CA1: variants seen among roughly 807,000 people sequenced by gnomAD.
CA1 encodes carbonic anhydrase 1, also known as carbonate dehydratase I.
A neutral mutation model predicts 28.8 loss-of-function variants in CA1; 27 were observed. The observed-to-expected ratio is 0.94, with a 90% CI of 0.69 to 1.29. The LOEUF (loss-of-function observed/expected upper bound fraction) is 1.29, where lower values mean the gene tolerates loss of function less well. CA1 is among the 50% of genes most tolerant of loss of function. The probability of loss-of-function intolerance (pLI) is 0.00; values close to 1 mark genes in which losing one functional copy is unlikely to be tolerated. For missense variants in CA1, 335 were observed against 310.5 expected, an observed-to-expected ratio of 1.08 and a Z score of -0.59; for synonymous variants, 121 against 108.8, an observed-to-expected ratio of 1.11 and a Z score of -0.70.
intron 1 of CA1, among the ~76,000 whole-genome samples, chr8:85,356,226 C>T (rs976686388): frequency 1.3e-5 from 2 of 152,130 alleles, no homozygotes; most frequent in Admixed American, 6.5e-5. Context: ...CTCACTCTAA[C>T]CTTCTATTTG....
chr8:85,372,009 T>G (rs1290132881), intron 1 of CA1, among the ~76,000 whole-genome samples: 1 of 152,130 alleles, frequency 6.6e-6, no homozygotes, highest in African/African-American at 2.4e-5. Context: ...GAAAGACATA[T>G]AAGTAAATAA....
At chr8:85,344,528 A>G (rs1245491218) in intron 1 of CA1, among the ~76,000 whole-genome samples, 5 of 151,516 alleles carry the variant, frequency 3.3e-5, no homozygotes, top group Non-Finnish European at 5.9e-5. Flanking sequence ...TAAGAGCCTT[A>G]GTATTTCTTA....
intron 1 of CA1, among the ~76,000 whole-genome samples, chr8:85,365,842 T>A (rs751038787): frequency 3.3e-5 from 5 of 152,110 alleles, no homozygotes; most frequent in Non-Finnish European, 7.4e-5. Flanking sequence ...ATCAGTAGAA[T>A]AAGGAAGGCC....
At chr8:85,350,410 G>A (rs1282937159) in intron 1 of CA1, among the ~76,000 whole-genome samples, 1 of 152,192 alleles carries the variant, frequency 6.6e-6, no homozygotes. Flanking sequence ...TGAGTGAAGA[G>A]GTGTTGAATG....
chr8:85,367,599 C>T (rs1810060239), intron 1 of CA1, among the ~76,000 whole-genome samples: 1 of 152,188 alleles, frequency 6.6e-6, no homozygotes, highest in African/African-American at 2.4e-5. Context: ...ATACAGATTG[C>T]CCAGCCTCAC....
chr8:85,344,178 TA>T (rs1809043545), intron 1 of CA1, among the ~76,000 whole-genome samples: 1 of 119,008 alleles, frequency 8.4e-6, no homozygotes, highest in African/African-American at 4.2e-5. Context: ...ATACTGTATA[TA>T]ATATATAATT....
At chr8:85,343,953 A>G (rs2130238077) in intron 1 of CA1, among the ~76,000 whole-genome samples, 1 of 151,204 alleles carries the variant, frequency 6.6e-6, no homozygotes, top group East Asian at 2.0e-4. Context: ...CAAGATGTTT[A>G]GTTTTGTATT....
intron 1 of CA1, among the ~76,000 whole-genome samples, chr8:85,353,345 C>G (rs1231052366): frequency 6.6e-6 from 1 of 152,140 alleles, no homozygotes; most frequent in African/African-American, 2.4e-5. Context: ...GTTTCAAATT[C>G]AAAGGTATAA....
chr8:85,333,771 A>C, intron 4 of CA1, 151 bp from the exon 5 acceptor site: 1 of 632,696 alleles, frequency 1.6e-6, no homozygotes, highest in East Asian at 3.0e-5. Context: ...GAAGAGTTAC[A>C]TTCTCACTCG....
rs73267595 is a variant in CA1 at position 85,363,904 on chromosome 8, A to G, written c.-25+14142T>C. Among the ~76,000 whole-genome samples, 619 of 152,306 alleles carry G rather than the reference A, an allele frequency of 4.1e-3. 3 individuals carry two copies. Among genetic ancestry groups the G allele is most frequent in the African/African-American group, 0.014 (577 of 41,574 alleles). On this transcript the variant is annotated intron_variant, in intron 1 of 7. Transcript: ENST00000523022. ...AAGGGCCTCAGATCTACTTTTCCAG[A>G]TTTTTATTTCAATAGTTTCCTTTAT...
intron 1 of CA1, among the ~76,000 whole-genome samples, chr8:85,343,471 T>A (rs1378227056): frequency 6.6e-6 from 1 of 152,178 alleles, no homozygotes; most frequent in Admixed American, 6.5e-5. Context: ...GTAGCTTGGT[T>A]TGGCTCAAGA....
rs757432899 is a variant in CA1, at chr8:85,338,338, A to G, written c.149T>C (p.Val50Ala). Residue 50 changes from valine (V) to alanine (A), a missense_variant, in exon 3 of 8, where the codon GTC becomes GCC. Transcript: ENST00000523022. ...KHDTSLKPIS[V>A]SYNPATAKEI... Reference sequence around the variant, plus strand: ...TTTGGCTGTGGCTGGGTTGTAGGAGACACTAATAGGTTTCAGAGAGGTGTC... The same window carrying G: ...TTTGGCTGTGGCTGGGTTGTAGGAGGCACTAATAGGTTTCAGAGAGGTGTC... The G allele has an allele frequency of 6.2e-6, 10 of 1,613,842 alleles. No individual in the cohort carries two copies. In the South Asian group the frequency reaches 1.1e-4, roughly 18 times the overall value.
At chr8:85,342,096 C>A (rs975359990) in intron 1 of CA1, among the ~76,000 whole-genome samples, 1 of 152,004 alleles carries the variant, frequency 6.6e-6, no homozygotes, top group Non-Finnish European at 1.5e-5. Context: ...TGTTTACAGG[C>A]TGATCTGAAC....
chr8:85,327,901 A>C lies in CA1; in HGVS notation c.*659T>G, dbSNP rs1808240959. ...AACTAACTAGTTGTAATAATGGCAG[A>C]GAAGCATTGTCCTTGCTAACGTGGG... On this transcript the variant is annotated 3_prime_UTR_variant, in exon 8 of 8. Transcript: ENST00000523022. 1 of 152,242 alleles carries C rather than the reference A, an allele frequency of 6.6e-6. No individual in the cohort carries two copies. The highest frequency in any genetic ancestry group is 6.5e-5 in the Admixed American group (1 of 15,282). 9.4% of individuals were successfully genotyped at this position (152,242 alleles called of 1,614,324 possible).
intron 5 of CA1, among the ~76,000 whole-genome samples, chr8:85,332,929 A>T (rs949586659): frequency 3.3e-5 from 5 of 152,160 alleles, no homozygotes; most frequent in Non-Finnish European, 7.4e-5. Flanking sequence ...TGCTCAGTAA[A>T]GGTTAAGTAG....
intron 1 of CA1, among the ~76,000 whole-genome samples, chr8:85,344,231 A>AT (rs1809061028): frequency 9.6e-6 from 1 of 103,950 alleles, no homozygotes; most frequent in African/African-American, 4.8e-5. Context: ...TATATACAGT[A>AT]TATAATATAT....
At chr8:85,348,322 C>G (rs541666668) in intron 1 of CA1, among the ~76,000 whole-genome samples, 2 of 152,192 alleles carry the variant, frequency 1.3e-5, no homozygotes, top group South Asian at 4.1e-4. Flanking sequence ...GTGACTTGCT[C>G]TGCAGTAGTT....
Position 85,341,663 on chromosome 8 carries a change from A to G in CA1, c.-24-4T>C. 6.6e-7 allele frequency: 1 copy of G among 1,522,734 alleles called. No homozygotes were observed. 94.3% of individuals were successfully genotyped at this position (1,522,734 alleles called of 1,614,324 possible). The stretch of plus-strand genomic sequence containing the variant: ...TCTTCTACTGAGTTTTCTTTTTCTG[A>G]AAACAAAAATAATACCTGGAATAAC... On this transcript the variant is annotated splice_polypyrimidine_tract_variant and splice_region_variant and intron_variant, in intron 1 of 7. Coordinates refer to ENST00000523022, the MANE Select transcript of CA1 (RefSeq NM_001128831.4).
chr8:85,350,598 A>G (rs117267733), intron 1 of CA1, among the ~76,000 whole-genome samples: 3,084 of 152,278 alleles, frequency 0.02, 58 homozygotes, highest in Non-Finnish European at 0.03. Flanking sequence ...GAGGGTTGCA[A>G]AATGAGGGGA....
Sources: gnomAD v4.1 joint callset for allele counts (sites outside exome capture counted in the v4.1 genomes callset) on GRCh38, gnomAD v4.1.1 for gene constraint, MANE v1.5 for transcripts, NCBI Gene and HGNC (gene_info 2026-07-23, HGNC 2026-07-21) for gene names.